GEMIN5: variants seen among roughly 807,000 people sequenced by gnomAD.
GEMIN5 encodes gem-associated protein 5.
GEMIN5 carries 124 observed loss-of-function variants against 176.9 expected under a neutral mutation model. The observed-to-expected ratio is 0.70, with a 90% confidence interval of 0.61 to 0.81. The LOEUF (loss-of-function observed/expected upper bound fraction) is 0.81. Ranked by LOEUF, GEMIN5 falls within the 40% of genes least tolerant of loss-of-function variation. The pLI, the probability that GEMIN5 is intolerant of heterozygous loss-of-function variation, is 0.00. For synonymous variants in GEMIN5, 673 were observed against 665.2 expected (o/e 1.01, Z -0.18); for missense variants, 1,843 against 1,814.6 (o/e 1.02, Z -0.28).
rs70981958 is a variant in GEMIN5 at position 154,909,133 on chromosome 5, ATTTTTTTTT to A, written c.2168-1324_2168-1316del. ...GACACCATGCCTGGGTAATTTTTGT[ATTTTTTTTT>A]TTTTTTTTTTTTGTAGAGATGGGGT... is the stretch of plus-strand genomic sequence containing the variant. On this transcript the variant is annotated intron_variant, in intron 15 of 27. Coordinates refer to ENST00000285873, the MANE Select transcript of GEMIN5 (RefSeq NM_015465.5). Among the ~76,000 whole-genome samples the A allele has an allele frequency of 4.0e-4, 40 of 99,732 alleles. 1 individual carries two copies. The highest frequency in any genetic ancestry group is 6.7e-4 in the Non-Finnish European group (36 of 53,608). 65.4% of individuals were successfully genotyped at this position (99,732 alleles called of 152,430 possible). A position where few individuals can be genotyped will look rare whatever the true frequency, so the allele number is the denominator to read the frequency against.
chr5:154,922,774 G>A (rs1261745215), intron 9 of GEMIN5, among the ~76,000 whole-genome samples: 3 of 112,328 alleles, frequency 2.7e-5, no homozygotes, highest in African/African-American at 6.3e-5. Context: ...TCGGCTCACC[G>A]CAACCTCCGC....
chr5:154,927,305 G>A, intron 7 of GEMIN5, 80 bp downstream of exon 7: 1 of 825,576 alleles, frequency 1.2e-6, no homozygotes, highest in Non-Finnish European at 2.0e-6. Flanking sequence ...GACTTGACAG[G>A]TGCTTTGAAA....
At position 154,917,945 on chromosome 5, in the gene GEMIN5, A is replaced by G. The variant is rs1258761367; in HGVS notation, c.1659T>C (p.Leu553=). ...SWKADGKIMA[L]GNEDGSIEIF... is the part of the protein sequence containing the mutation. ...CAAATACATACCCATCTTCATTGCC[A>G]AGAGCCATGATTTTGCCATCTGCTT... Residue 553 remains leucine, a synonymous_variant, in exon 12 of 28, where the codon CTT becomes CTC. Coordinates refer to ENST00000285873, the MANE Select transcript of GEMIN5 (RefSeq NM_015465.5). 1.2e-6 allele frequency: 2 copies of G among 1,609,284 alleles called. No homozygotes were observed. Among genetic ancestry groups the G allele is most frequent in the Non-Finnish European group, 1.7e-6 (2 of 1,175,696 alleles).
intron 22 of GEMIN5, 92 bp downstream of exon 22, chr5:154,899,098 TC>T (rs1763413806): frequency 8.0e-7 from 1 of 1,244,994 alleles, no homozygotes; most frequent in Admixed American, 2.5e-5. Context: ...CTGCTTTACC[TC>T]CACCTCTAAA....
intron 13 of GEMIN5, 117 bp from the exon 14 acceptor site, chr5:154,913,155 G>C: frequency 2.2e-6 from 2 of 891,388 alleles, no homozygotes; most frequent in Non-Finnish European, 3.3e-6. Flanking sequence ...ACACTTTCTA[G>C]GTTATTTTTT....
Position 154,921,332 on chromosome 5 carries a change from C to A in GEMIN5, c.1462+11G>T. ...CTCTCATATTTGTTATGGAATTGTTCAGATACTTACCAAGTGACATGGGGG... is the reference window on the plus strand; with the variant it reads ...CTCTCATATTTGTTATGGAATTGTTAAGATACTTACCAAGTGACATGGGGG... On this transcript the variant is annotated intron_variant, in intron 10 of 27. Coordinates refer to ENST00000285873, the MANE Select transcript of GEMIN5 (RefSeq NM_015465.5). The A allele has an allele frequency of 9.4e-7, 1 of 1,062,234 alleles. No homozygotes were observed. Among genetic ancestry groups the A allele is most frequent in the African/African-American group, 1.5e-5 (1 of 64,782 alleles). 65.8% of individuals were successfully genotyped at this position (1,062,234 alleles called of 1,614,324 possible).
At chr5:154,931,766 G>A (rs1582677319) in intron 4 of GEMIN5, 189 bp from the exon 5 acceptor site, 3 of 533,198 alleles carry the variant, frequency 5.6e-6, no homozygotes, top group South Asian at 5.1e-5. Flanking sequence ...TGTAATCCCA[G>A]CATTTTGGGA....
At chr5:154,908,037 AGTGT>A (rs1410593315) in intron 15 of GEMIN5, among the ~76,000 whole-genome samples, 1 of 152,132 alleles carries the variant, frequency 6.6e-6, no homozygotes, top group Non-Finnish European at 1.5e-5. Context: ...CAAATATTTT[AGTGT>A]GTGTCTTATG....
chr5:154,901,871 C>T (rs1229828866), intron 20 of GEMIN5, among the ~76,000 whole-genome samples: 1 of 151,916 alleles, frequency 6.6e-6, no homozygotes, highest in Non-Finnish European at 1.5e-5. Context: ...ACAATAATGG[C>T]TCACTGCAGC....
chr5:154,933,439 A>C lies in GEMIN5; in HGVS notation c.510-1189T>G, dbSNP rs995393010. Reference sequence around the variant, plus strand: ...TAGTACTGCACTGTGTGAATATTTCAAAGTTTATTCATTTTCCTTTTGAAG... The same window carrying C: ...TAGTACTGCACTGTGTGAATATTTCCAAGTTTATTCATTTTCCTTTTGAAG... On this transcript the variant is annotated intron_variant, in intron 3 of 27. Coordinates refer to ENST00000285873, the MANE Select transcript of GEMIN5 (RefSeq NM_015465.5). Among the ~76,000 whole-genome samples the C allele has an allele frequency of 2.0e-5, 3 of 152,160 alleles. No individual in the cohort carries two copies. In the East Asian group the frequency reaches 5.8e-4, roughly 29 times the overall value.
chr5:154,898,966 T>G (rs1763411637), intron 22 of GEMIN5, among the ~76,000 whole-genome samples: 1 of 152,200 alleles, frequency 6.6e-6, no homozygotes, highest in African/African-American at 2.4e-5. Context: ...CATAATTTCT[T>G]AATCTGCTGC....
intron 26 of GEMIN5, among the ~76,000 whole-genome samples, chr5:154,889,757 G>A (rs1763186638): frequency 6.6e-6 from 1 of 152,172 alleles, no homozygotes; most frequent in African/African-American, 2.4e-5. Context: ...GAGTCATATA[G>A]TATATGTCTT....
chr5:154,927,485 G>A lies in GEMIN5; in HGVS notation c.980C>T (p.Ser327Leu), dbSNP rs1287462108. 1.2e-6 allele frequency: 2 copies of A among 1,609,502 alleles called. No homozygotes were observed. Among genetic ancestry groups the A allele is most frequent in the Non-Finnish European group, 1.7e-6 (2 of 1,175,848 alleles). ...WRRKYTLFSA[S>L]SEGQNHSRIV... ...TCTTGAATGATTTTGCCCTTCTGAT[G>A]AGGCACTGAAGAGGGTGTATTTCCG... Residue 327 changes from serine (S) to leucine (L), a missense_variant, in exon 7 of 28, where the codon TCA becomes TTA. Coordinates refer to ENST00000285873, the MANE Select transcript of GEMIN5 (RefSeq NM_015465.5).
At chr5:154,931,290 G>C (rs945111945) in intron 5 of GEMIN5, among the ~76,000 whole-genome samples, 168 bp downstream of exon 5, 3 of 152,232 alleles carry the variant, frequency 2.0e-5, no homozygotes, top group African/African-American at 4.8e-5. Flanking sequence ...CAGATGTTGA[G>C]AGAATAGAGA....
rs1269453044 is a variant in GEMIN5, at chr5:154,921,346, G to A, written c.1459C>T (p.Leu487Phe). 1 of 1,240,688 alleles carries A rather than the reference G, an allele frequency of 8.1e-7. No homozygotes were observed. The highest frequency in any genetic ancestry group is 2.4e-5 in the East Asian group (1 of 42,014). 76.9% of individuals were successfully genotyped at this position (1,240,688 alleles called of 1,614,324 possible). The stretch of plus-strand genomic sequence containing the variant: ...ATGGAATTGTTCAGATACTTACCAA[G>A]TGACATGGGGGGTACTGGTGGCCCC... ...AWGPPVPPMS[L>F]GGEGDRPSLA... The change falls in exon 10 of 28, where the codon CTT (leucine) becomes TTT (phenylalanine). Residue 487 changes from leucine (L) to phenylalanine (F), a missense_variant. Transcript: ENST00000285873.
At chr5:154,931,704 T>G (rs1764169018) in intron 4 of GEMIN5, 127 bp from the exon 5 acceptor site, 1 of 727,084 alleles carries the variant, frequency 1.4e-6, no homozygotes, top group African/African-American at 1.8e-5. Flanking sequence ...AAATTTGAAG[T>G]TTTAGGTATA....
chr5:154,921,223 T>TAGCCCACATAAGC, intron 10 of GEMIN5, 120 bp downstream of exon 10: 1 of 642,488 alleles, frequency 1.6e-6, no homozygotes. Context: ...GGGACATAAG[T>TAGCCCACATAAGC]AGCCCACATA....
intron 26 of GEMIN5, among the ~76,000 whole-genome samples, chr5:154,890,668 T>C (rs2113450386): frequency 6.6e-6 from 1 of 152,260 alleles, no homozygotes; most frequent in Admixed American, 6.5e-5. Flanking sequence ...AGGGTCTCAA[T>C]ATGTAGCCCA....
At chr5:154,933,663 A>G (rs1389424414) in intron 3 of GEMIN5, among the ~76,000 whole-genome samples, 7 of 152,236 alleles carry the variant, frequency 4.6e-5, no homozygotes, top group Non-Finnish European at 8.8e-5. Context: ...GACAGGGAAG[A>G]ACACCAGCAC....
Sources: gnomAD v4.1 joint callset for allele counts (sites outside exome capture counted in the v4.1 genomes callset) on GRCh38, gnomAD v4.1.1 for gene constraint, MANE v1.5 for transcripts, NCBI Gene and HGNC (gene_info 2026-07-23, HGNC 2026-07-21) for gene names.